The following CTNNA3 variants were observed in gnomAD, a reference collection of about 807,000 sequenced individuals.
The protein encoded by CTNNA3 is catenin alpha 3.
CTNNA3 carries 76 observed loss-of-function variants against 95.7 expected under a neutral mutation model. The ratio of observed to expected loss-of-function variants is 0.79; its 90% CI spans 0.66 to 0.96. CTNNA3 has a LOEUF of 0.96. Among genes scored for constraint, CTNNA3 ranks in the 40% least tolerant of loss-of-function variants. The pLI is 0.00. For synonymous variants in CTNNA3, 431 were observed against 374.4 expected (o/e 1.15, Z -1.74); for missense variants, 1,191 against 1,089.8 (o/e 1.09, Z -1.31).
intron 12 of CTNNA3, among the ~76,000 whole-genome samples, chr10:66,374,558 T>A (rs1049783398): frequency 1.3e-5 from 2 of 151,110 alleles, no homozygotes. Context: ...AAAAATAATA[T>A]GAGTGTCTTT....
At chr10:66,147,641 C>T (rs1424608447) in intron 13 of CTNNA3, among the ~76,000 whole-genome samples, 14 of 132,938 alleles carry the variant, frequency 1.1e-4, no homozygotes, top group Admixed American at 2.5e-4. Context: ...GTCGTTGTTG[C>T]GCCAATGCTC....
chr10:66,157,275 C>G (rs775418932), intron 13 of CTNNA3, among the ~76,000 whole-genome samples: 4 of 151,926 alleles, frequency 2.6e-5, no homozygotes, highest in Non-Finnish European at 5.9e-5. Context: ...TCTCATATAT[C>G]AGTGAGAACA....
rs1013779706 is a variant in CTNNA3, at chr10:65,918,248, C to T, written c.*2082G>A. ...ACATGTGGAAAGATGATGTTGGGTC[C>T]GGTGGACATTAGATTTTCTAAATGA... On this transcript the variant is annotated 3_prime_UTR_variant, in exon 18 of 18. Transcript: ENST00000433211. 6 of 151,950 alleles carry T rather than the reference C, an allele frequency of 3.9e-5. No individual in the cohort carries two copies. Among genetic ancestry groups the T allele is most frequent in the Non-Finnish European group, 5.9e-5 (4 of 67,988 alleles). The allele number at this position is 151,950 out of a possible 1,614,324, so 9.4% of individuals were successfully genotyped here. A position where few individuals can be genotyped will look rare whatever the true frequency, so the allele number is the denominator to read the frequency against.
intron 3 of CTNNA3, among the ~76,000 whole-genome samples, chr10:67,563,761 T>A (rs1310751932): frequency 6.6e-6 from 1 of 151,642 alleles, no homozygotes; most frequent in African/African-American, 2.4e-5. Context: ...AGGGCTAATA[T>A]CCAGAATCGA....
intron 11 of CTNNA3, among the ~76,000 whole-genome samples, chr10:66,401,387 A>T (rs2093019259): frequency 6.6e-6 from 1 of 151,858 alleles, no homozygotes. Context: ...TTAGCCATGG[A>T]TGGTGGTGTG....
At chr10:66,269,911 C>T (rs1442240488) in intron 13 of CTNNA3, among the ~76,000 whole-genome samples, 1 of 152,132 alleles carries the variant, frequency 6.6e-6, no homozygotes, top group African/African-American at 2.4e-5. Flanking sequence ...TCTACGAAGA[C>T]AAATAGCATC....
intron 9 of CTNNA3, among the ~76,000 whole-genome samples, chr10:66,726,346 G>A (rs563301282): frequency 1.7e-4 from 26 of 151,922 alleles, no homozygotes; most frequent in South Asian, 6.2e-4. Flanking sequence ...CCAATATCTC[G>A]CCAACTTATT....
At chr10:66,956,805 G>T (rs1417334835) in intron 7 of CTNNA3, among the ~76,000 whole-genome samples, 4 of 152,202 alleles carry the variant, frequency 2.6e-5, no homozygotes, top group Non-Finnish European at 5.9e-5. Context: ...AACTGATGCA[G>T]TGACAGGCTC....
intron 1 of CTNNA3, among the ~76,000 whole-genome samples, chr10:67,668,326 T>G (rs1479296013): frequency 6.6e-6 from 1 of 152,188 alleles, no homozygotes; most frequent in East Asian, 1.9e-4. Flanking sequence ...TTTCAATATA[T>G]TTTATATAGG....
rs1307963741 is a variant in CTNNA3, at chr10:66,331,471, A to G, written c.1732+47681T>C. Among the ~76,000 whole-genome samples the G allele has an allele frequency of 1.4e-5, 2 of 146,400 alleles. 1 individual carries two copies. The highest frequency in any genetic ancestry group is 3.0e-5 in the Non-Finnish European group (2 of 67,042). ...CGGGTTCACGCCATTCTCCTGCCTC[A>G]GCCTCCCGTGTAGCTGGGACTACAG... On this transcript the variant is annotated intron_variant, in intron 12 of 17. Transcript: ENST00000433211.
chr10:67,063,859 G>A (rs980241935), intron 7 of CTNNA3, among the ~76,000 whole-genome samples: 3 of 152,186 alleles, frequency 2.0e-5, no homozygotes, highest in Non-Finnish European at 4.4e-5. Context: ...AAAGGATGAT[G>A]CTAGCAATCA....
chr10:66,936,628 G>T (rs971932557), intron 7 of CTNNA3, among the ~76,000 whole-genome samples: 1 of 152,030 alleles, frequency 6.6e-6, no homozygotes, highest in African/African-American at 2.4e-5. Context: ...TGGAGTCATC[G>T]GACAGATGGA....
In CTNNA3 at chr10:66,160,260, T is replaced by C. The variant is rs546316267; in HGVS notation, c.1885-57011A>G. 3.9e-4 allele frequency among the ~76,000 whole-genome samples: 59 copies of C among 152,192 alleles called. 2 individuals carry two copies. Among genetic ancestry groups the C allele is most frequent in the African/African-American group, 1.4e-3 (58 of 41,572 alleles). ...TTCTTGTTTCTCTAGTTCCTTGAGG[T>C]GTGACTTTAGAATATCAGTTTGTGC... On this transcript the variant is annotated intron_variant, in intron 13 of 17. Transcript: ENST00000433211.
chr10:66,659,915 T>G (rs1452949386), intron 9 of CTNNA3, among the ~76,000 whole-genome samples: 1 of 152,134 alleles, frequency 6.6e-6, no homozygotes, highest in Non-Finnish European at 1.5e-5. Flanking sequence ...CCTAGGAGAT[T>G]TAATGAAAAT....
chr10:67,636,339 C>T (rs59058515), intron 2 of CTNNA3, among the ~76,000 whole-genome samples: 20,180 of 151,994 alleles, frequency 0.13, 2,406 homozygotes, highest in African/African-American at 0.32. Context: ...TATTTGGAAC[C>T]AAAAAACAGC....
chr10:67,075,042 G>T (rs1249190113), intron 7 of CTNNA3, among the ~76,000 whole-genome samples: 1 of 151,968 alleles, frequency 6.6e-6, no homozygotes, highest in Admixed American at 6.6e-5. Context: ...GCTATCTTCA[G>T]CTTCTAACAG....
At chr10:66,798,484 T>C (rs1167791964) in intron 7 of CTNNA3, among the ~76,000 whole-genome samples, 3 of 151,662 alleles carry the variant, frequency 2.0e-5, no homozygotes, top group Non-Finnish European at 4.4e-5. Flanking sequence ...GTGATGGAAG[T>C]TTGGGAAACT....
intron 7 of CTNNA3, among the ~76,000 whole-genome samples, chr10:66,909,844 T>C (rs1846146417): frequency 6.6e-6 from 1 of 152,096 alleles, no homozygotes; most frequent in Non-Finnish European, 1.5e-5. Flanking sequence ...CCATTAGGAG[T>C]AGCTACTTCT....
chr10:66,532,644 TAGAG>T (rs1271626236), intron 10 of CTNNA3, among the ~76,000 whole-genome samples: 6 of 152,172 alleles, frequency 3.9e-5, no homozygotes, highest in Admixed American at 2.0e-4. Context: ...TTATCTAAGT[TAGAG>T]AGCATAAGAC....
Sources: gnomAD v4.1 joint callset for allele counts (sites outside exome capture counted in the v4.1 genomes callset) on GRCh38, gnomAD v4.1.1 for gene constraint, MANE v1.5 for transcripts, NCBI Gene and HGNC (gene_info 2026-07-23, HGNC 2026-07-21) for gene names.